The following ZMYND8 variants were observed in gnomAD, a reference collection of about 807,000 sequenced individuals.
The protein encoded by ZMYND8 is zinc finger MYND-type containing 8, also known as MYND-type zinc finger-containing chromatin reader ZMYND8.
In ZMYND8, 37 loss-of-function variants were observed where a neutral mutation model predicts 140.8. The observed-to-expected ratio is 0.26, with a 90% CI of 0.20 to 0.35. ZMYND8 has a LOEUF of 0.35. Ranked by LOEUF, ZMYND8 falls within the 10% of genes least tolerant of loss-of-function variation. The pLI is 1.00. For missense variants in ZMYND8, 1,068 were observed against 1,570.0 expected (o/e 0.68, Z 5.40); for synonymous variants, 592 against 597.1 (o/e 0.99, Z 0.12).
chr20:47,307,296 CA>C (rs1238714381), intron 3 of ZMYND8, among the ~76,000 whole-genome samples: 139 of 142,212 alleles, frequency 9.8e-4, no homozygotes, highest in Middle Eastern at 3.6e-3. Context: ...ACCAAAACTA[CA>C]AAAAAAAAAA....
intron 4 of ZMYND8, among the ~76,000 whole-genome samples, chr20:47,297,971 T>C (rs1411232833): frequency 6.6e-6 from 1 of 152,130 alleles, no homozygotes; most frequent in Non-Finnish European, 1.5e-5. Context: ...CTGGAAGTTG[T>C]CCCCCAAATG....
rs148403054 is a variant in ZMYND8, at chr20:47,227,157, C to G, written c.3016+46G>C. 4.0e-5 allele frequency: 64 copies of G among 1,596,376 alleles called. No individual in the cohort carries two copies. The African/African-American group carries it at 8.2e-4, about 20-fold the overall frequency. On this transcript the variant is annotated intron_variant, in intron 18 of 22. Coordinates refer to ENST00000471951, the MANE Select transcript of ZMYND8 (RefSeq NM_001281775.3). ...TTGACTCCAGAGGTGCAAAGAAGTT[C>G]ACACCCAAAACCCTCCTCAGTCCAG... is the stretch of plus-strand genomic sequence containing the variant.
At chr20:47,225,268 A>T (rs998060531) in intron 18 of ZMYND8, among the ~76,000 whole-genome samples, 1 of 152,076 alleles carries the variant, frequency 6.6e-6, no homozygotes, top group African/African-American at 2.4e-5. Context: ...GGCTGTAATA[A>T]AAGAAAAATA....
At chr20:47,240,412 G>A (rs1304875178) in intron 14 of ZMYND8, among the ~76,000 whole-genome samples, 1 of 151,328 alleles carries the variant, frequency 6.6e-6, no homozygotes, top group Non-Finnish European at 1.5e-5. Context: ...TACTCAAGAG[G>A]CTGAGGCAGA....
chr20:47,271,919 G>A (rs1055946720), intron 11 of ZMYND8, among the ~76,000 whole-genome samples: 6 of 151,818 alleles, frequency 4.0e-5, no homozygotes, highest in Admixed American at 1.3e-4. Context: ...CTGACCTCAA[G>A]TGATCCGCCC....
chr20:47,215,816 G>C (rs1432182948), intron 21 of ZMYND8, among the ~76,000 whole-genome samples: 8 of 152,170 alleles, frequency 5.3e-5, no homozygotes, highest in African/African-American at 1.4e-4. Context: ...ACAGTTCAAG[G>C]CTTCAGCAGC....
chr20:47,235,370 A>AACTG (rs1214789129), intron 16 of ZMYND8, among the ~76,000 whole-genome samples: 1 of 152,172 alleles, frequency 6.6e-6, no homozygotes, highest in Non-Finnish European at 1.5e-5. Flanking sequence ...TGACGCTGAG[A>AACTG]ACTGCAGATG....
chr20:47,308,304 C>T (rs569884551), intron 3 of ZMYND8, among the ~76,000 whole-genome samples: 56 of 150,830 alleles, frequency 3.7e-4, no homozygotes, highest in African/African-American at 1.3e-3. Context: ...CTGCAACCTC[C>T]GCCTCCCAGG....
In ZMYND8 at chr20:47,220,311, G is replaced by T; in HGVS notation, c.3431C>A (p.Ser1144Tyr). 6.4e-7 allele frequency: 1 copy of T among 1,560,894 alleles called. No individual in the cohort carries two copies. Among genetic ancestry groups the T allele is most frequent in the East Asian group, 2.4e-5 (1 of 41,754 alleles). The part of the protein sequence containing the change: ...SKESGSTLDL[S>Y]GSRETPSSIL... Reference sequence around the variant, plus strand: ...GGAGGAGGGCGTCTCTCTGGAGCCAGAAAGGTCAAGGGTCTAGAAATACAA... The same window carrying T: ...GGAGGAGGGCGTCTCTCTGGAGCCATAAAGGTCAAGGGTCTAGAAATACAA... The change falls in exon 21 of 23, where the codon TCT becomes TAT. Residue 1144 changes from serine (S) to tyrosine (Y), a missense_variant. Ser to Tyr is a moderately radical substitution (Grantham distance 144). Coordinates refer to ENST00000471951, the MANE Select transcript of ZMYND8 (RefSeq NM_001281775.3).
intron 15 of ZMYND8, chr20:47,238,367 C>T (rs2039507615): frequency 4.3e-6 from 1 of 230,176 alleles, no homozygotes; most frequent in Admixed American, 5.2e-5. Flanking sequence ...CACATATATA[C>T]ATACAGATAT....
At chr20:47,355,090 T>A (rs2083110201) in intron 1 of ZMYND8, among the ~76,000 whole-genome samples, 1 of 152,060 alleles carries the variant, frequency 6.6e-6, no homozygotes, top group South Asian at 2.1e-4. Context: ...TTTTTAGGGC[T>A]CTGCACCTCT....
chr20:47,314,596 A>G (rs1010953854), intron 2 of ZMYND8, among the ~76,000 whole-genome samples: 2 of 152,256 alleles, frequency 1.3e-5, no homozygotes, highest in African/African-American at 4.8e-5. Flanking sequence ...ATCTGTTTTA[A>G]TAAGTCCTCC....
At chr20:47,347,273 A>G (rs970661070) in intron 2 of ZMYND8, among the ~76,000 whole-genome samples, 1 of 152,218 alleles carries the variant, frequency 6.6e-6, no homozygotes, top group Non-Finnish European at 1.5e-5. Flanking sequence ...GACCAAATGA[A>G]AAGTACCAAT....
At chr20:47,291,543 G>A (rs2077265588) in intron 6 of ZMYND8, among the ~76,000 whole-genome samples, 1 of 152,158 alleles carries the variant, frequency 6.6e-6, no homozygotes, top group Admixed American at 6.5e-5. Flanking sequence ...GCTTTTGCAG[G>A]TAAAAAGCTA....
intron 2 of ZMYND8, among the ~76,000 whole-genome samples, chr20:47,327,010 G>A (rs1158205829): frequency 3.9e-5 from 6 of 152,200 alleles, no homozygotes; most frequent in Non-Finnish European, 7.3e-5. Flanking sequence ...GGAGTTACGG[G>A]AGGGTCATTA....
intron 3 of ZMYND8, among the ~76,000 whole-genome samples, chr20:47,309,339 C>T (rs2078739884): frequency 1.3e-5 from 2 of 151,844 alleles, no homozygotes; most frequent in African/African-American, 2.4e-5. Context: ...TAGAGTCTCG[C>T]TCTGTCACCA....
chr20:47,241,287 T>TC (rs1205513422), intron 14 of ZMYND8, among the ~76,000 whole-genome samples: 1 of 121,150 alleles, frequency 8.3e-6, no homozygotes, highest in Non-Finnish European at 1.6e-5. Flanking sequence ...AGGGCGAGAC[T>TC]CCGTCTCAAA....
At chr20:47,335,225 G>A (rs532673068) in intron 2 of ZMYND8, among the ~76,000 whole-genome samples, 1 of 151,934 alleles carries the variant, frequency 6.6e-6, no homozygotes, top group South Asian at 2.1e-4. Flanking sequence ...CAGCTTGGGC[G>A]ACAGAGAGAG....
intron 2 of ZMYND8, among the ~76,000 whole-genome samples, chr20:47,341,673 A>G (rs1301498509): frequency 6.6e-6 from 1 of 152,130 alleles, no homozygotes; most frequent in African/African-American, 2.4e-5. Flanking sequence ...GTTCCAGACC[A>G]GCCTGGCCAA....
Sources: allele counts gnomAD v4.1 joint callset (sites outside exome capture counted in the v4.1 genomes callset), GRCh38; gene constraint gnomAD v4.1.1; transcripts MANE v1.5; gene names NCBI Gene and HGNC (gene_info 2026-07-23, HGNC 2026-07-21).